ATP2B2: variants seen among roughly 807,000 people sequenced by gnomAD.
ATP2B2 encodes plasma membrane calcium-transporting ATPase 2.
A neutral mutation model predicts 120.0 loss-of-function variants in ATP2B2; 15 were observed. The ratio of observed to expected loss-of-function variants is 0.12; its 90% CI spans 0.08 to 0.19. ATP2B2 has a LOEUF of 0.19. Ranked by LOEUF, ATP2B2 falls within the 10% of genes least tolerant of loss-of-function variation. The pLI, the probability that ATP2B2 is intolerant of heterozygous loss-of-function variation, is 1.00. For missense variants in ATP2B2, 1,045 were observed against 1,719.8 expected (o/e 0.61, Z 6.94); for synonymous variants, 694 against 700.3 (o/e 0.99, Z 0.14).
intron 14 of ATP2B2, 57 bp downstream of exon 14, chr3:10,358,634 G>T (rs1279880421): frequency 1.9e-6 from 3 of 1,560,358 alleles, no homozygotes; most frequent in Non-Finnish European, 2.6e-6. Context: ...GGTCACCCTG[G>T]TGGCTGGCCT....
At chr3:10,698,059 CTG>C (rs1424511310) in intron 1 of ATP2B2, among the ~76,000 whole-genome samples, 1 of 152,212 alleles carries the variant, frequency 6.6e-6, no homozygotes, top group Non-Finnish European at 1.5e-5. Flanking sequence ...AGAGCCCTGA[CTG>C]TGTCAGTTTC....
At chr3:10,488,455 C>T (rs1389815889) in intron 1 of ATP2B2, among the ~76,000 whole-genome samples, 1 of 147,656 alleles carries the variant, frequency 6.8e-6, no homozygotes, top group Non-Finnish European at 1.5e-5. Flanking sequence ...CCATCCACCA[C>T]CCTACAAATT....
rs570478259 is a variant in ATP2B2, at chr3:10,336,934, A to G, written c.3420+1242T>C. ...GAGACCCCTGCGTGGCTTTGCCGCCAGGGCAGTGACAGCACCAGGGACATA... is the reference window on the plus strand; with the variant it reads ...GAGACCCCTGCGTGGCTTTGCCGCCGGGGCAGTGACAGCACCAGGGACATA... On this transcript the variant is annotated intron_variant, in intron 22 of 22. Transcript: ENST00000360273. 6.6e-5 allele frequency among the ~76,000 whole-genome samples: 10 copies of G among 152,304 alleles called. No homozygotes were observed. In the East Asian group the frequency reaches 1.7e-3, roughly 26 times the overall value.
At chr3:10,627,525 G>C (rs1408078526) in intron 1 of ATP2B2, among the ~76,000 whole-genome samples, 2 of 152,130 alleles carry the variant, frequency 1.3e-5, no homozygotes, top group African/African-American at 4.8e-5. Flanking sequence ...TTAGCTATGT[G>C]ACCCTGGGCC....
chr3:10,611,184 G>A (rs2069227706), intron 2 of ATP2B2, among the ~76,000 whole-genome samples: 1 of 152,168 alleles, frequency 6.6e-6, no homozygotes, highest in Non-Finnish European at 1.5e-5. Flanking sequence ...GTGACTCCTG[G>A]TTTTGGGGGG....
intron 22 of ATP2B2, among the ~76,000 whole-genome samples, chr3:10,333,245 C>T (rs533376656): frequency 6.6e-6 from 1 of 152,248 alleles, no homozygotes; most frequent in Admixed American, 6.5e-5. Context: ...GTTTTTGCCT[C>T]AGCAGGCACA....
At chr3:10,540,061 T>C (rs1366438984) in intron 2 of ATP2B2, among the ~76,000 whole-genome samples, 1 of 152,150 alleles carries the variant, frequency 6.6e-6, no homozygotes, top group Non-Finnish European at 1.5e-5. Flanking sequence ...GGGTGAAGGA[T>C]ATGAACAGAC....
intron 2 of ATP2B2, among the ~76,000 whole-genome samples, chr3:10,435,482 C>G (rs1043949105): frequency 6.6e-6 from 1 of 152,212 alleles, no homozygotes; most frequent in African/African-American, 2.4e-5. Flanking sequence ...AGGCCTAAGC[C>G]TTCAAGAGCA....
At chr3:10,338,766 G>A in intron 21 of ATP2B2, 1 of 307,566 alleles carries the variant, frequency 3.3e-6, no homozygotes, top group South Asian at 2.9e-5. Flanking sequence ...GGGCCGCTCT[G>A]GGCATGGTGA....
At chr3:10,381,688 G>A (rs1364918951) in intron 8 of ATP2B2, among the ~76,000 whole-genome samples, 1 of 152,204 alleles carries the variant, frequency 6.6e-6, no homozygotes, top group Non-Finnish European at 1.5e-5. Flanking sequence ...CCCCATGTGG[G>A]ATCTGGAGAT....
intron 2 of ATP2B2, among the ~76,000 whole-genome samples, chr3:10,422,972 G>T (rs1177522687): frequency 6.6e-6 from 1 of 152,200 alleles, no homozygotes; most frequent in African/African-American, 2.4e-5. Context: ...AGGGAAGTGG[G>T]TGTGGGGGCT....
intron 1 of ATP2B2, among the ~76,000 whole-genome samples, chr3:10,476,366 T>C (rs944977807): frequency 1.3e-5 from 2 of 152,196 alleles, no homozygotes; most frequent in African/African-American, 4.8e-5. Context: ...CCACAAGGAC[T>C]CAAAATCAAG....
intron 1 of ATP2B2, among the ~76,000 whole-genome samples, chr3:10,461,967 C>G (rs1411609629): frequency 6.6e-6 from 1 of 152,156 alleles, no homozygotes; most frequent in African/African-American, 2.4e-5. Flanking sequence ...CTTCCTTCTT[C>G]CCACTCTCCT....
At chr3:10,393,626 A>G (rs990560156) in intron 5 of ATP2B2, among the ~76,000 whole-genome samples, 2 of 152,166 alleles carry the variant, frequency 1.3e-5, no homozygotes, top group Admixed American at 6.5e-5. Context: ...GGCAGCCCCA[A>G]GGAGAGAAAG....
At position 10,514,220 on chromosome 3, in the gene ATP2B2, C is replaced by G. The variant is rs574835814; in HGVS notation, c.-320+19819G>C. 2.6e-5 allele frequency among the ~76,000 whole-genome samples: 4 copies of G among 152,266 alleles called. 1 individual carries two copies. Among genetic ancestry groups the G allele is most frequent in the African/African-American group, 7.2e-5 (3 of 41,538 alleles). On this transcript the variant is annotated intron_variant, in intron 3 of 21. Transcript: ENST00000646379. Reference sequence around the variant, plus strand: ...TAGTCCCTGCCTGTTCTTCCCTACCCTGTGATAGGTCTGGGGAACACTTGG... The same window carrying G: ...TAGTCCCTGCCTGTTCTTCCCTACCGTGTGATAGGTCTGGGGAACACTTGG...
At chr3:10,403,749 T>C (rs1470733308) in intron 3 of ATP2B2, among the ~76,000 whole-genome samples, 1 of 152,234 alleles carries the variant, frequency 6.6e-6, no homozygotes, top group Non-Finnish European at 1.5e-5. Context: ...GCATCCACTT[T>C]AACCCTCAAG....
At chr3:10,469,825 C>T (rs2064907670) in intron 1 of ATP2B2, among the ~76,000 whole-genome samples, 1 of 152,130 alleles carries the variant, frequency 6.6e-6, no homozygotes, top group Non-Finnish European at 1.5e-5. Flanking sequence ...TGCCCTAAGC[C>T]CTCTTGCTCC....
chr3:10,538,501 A>G lies in ATP2B2; in HGVS notation c.-414-4368T>C, dbSNP rs954454021. Among the ~76,000 whole-genome samples the G allele has an allele frequency of 9.8e-5, 15 of 152,340 alleles. No individual in the cohort carries two copies. The South Asian group carries it at 1.2e-3, about 13-fold the overall frequency. ...AATAAAATACTGGCAAACTGAATCC[A>G]GCAGCACATCAAAAAGCTTATCCGC... On this transcript the variant is annotated intron_variant, in intron 2 of 21. Transcript: ENST00000646379.
intron 3 of ATP2B2, among the ~76,000 whole-genome samples, chr3:10,531,419 G>A (rs555145669): frequency 9.9e-5 from 15 of 152,248 alleles, no homozygotes; most frequent in African/African-American, 2.6e-4. Flanking sequence ...ATCCCAACTC[G>A]GGTGGGATTA....
Sources: gnomAD v4.1 joint callset for allele counts (sites outside exome capture counted in the v4.1 genomes callset) on GRCh38, gnomAD v4.1.1 for gene constraint, MANE v1.5 for transcripts, NCBI Gene and HGNC (gene_info 2026-07-23, HGNC 2026-07-21) for gene names.